Variants in ZKSCAN1 observed in about 807,000 individuals in gnomAD.
ZKSCAN1 encodes the protein zinc finger protein with KRAB and SCAN domains 1.
In ZKSCAN1, 14 loss-of-function variants were observed where a neutral mutation model predicts 51.6. That is an observed-to-expected ratio of 0.27 (90% CI 0.18 to 0.42). ZKSCAN1 has a LOEUF of 0.42. Ranked by LOEUF, ZKSCAN1 falls within the 10% of genes least tolerant of loss-of-function variation. The pLI is 1.00. For missense variants in ZKSCAN1, 531 were observed against 710.0 expected, an observed-to-expected ratio of 0.75 and a Z score of 2.86; for synonymous variants, 263 against 261.5, an observed-to-expected ratio of 1.01 and a Z score of -0.06.
At chr7:100,041,736 G>T (rs1791603281), downstream of ZKSCAN1, 1 of 985,018 alleles carries the variant, frequency 1.0e-6, no homozygotes, top group Admixed American at 6.2e-5. Context: ...CTCATCCTTG[G>T]TTGCATAAAT....
In ZKSCAN1 at chr7:100,039,575, A is replaced by G. The variant is rs937510187; in HGVS notation, c.*5378A>G. On this transcript the variant is annotated 3_prime_UTR_variant, in exon 6 of 6. Coordinates refer to ENST00000324306, the MANE Select transcript of ZKSCAN1 (RefSeq NM_003439.4). ...GTGAAAGAATCTTTTTTTAATTTTT[A>G]TCCTAGAGTCAGTCACTTTTATTCC... 1 of 985,220 alleles carries G rather than the reference A, an allele frequency of 1.0e-6. No homozygotes were observed. The highest frequency in any genetic ancestry group is 1.7e-5 in the African/African-American group (1 of 57,206). 61.0% of individuals were successfully genotyped at this position (985,220 alleles called of 1,614,324 possible). A position where few individuals can be genotyped will look rare whatever the true frequency, so the allele number is the denominator to read the frequency against.
chr7:100,033,119 C>T lies in ZKSCAN1; in HGVS notation c.800-186C>T, dbSNP rs183985873. Among the ~76,000 whole-genome samples the T allele has an allele frequency of 1.1e-3, 171 of 152,260 alleles. 1 individual carries two copies. Among genetic ancestry groups the T allele is most frequent in the African/African-American group, 4.1e-3 (169 of 41,564 alleles). ...CCTGGGAGGCGGAGGTTGCAGTGAA[C>T]TGAGATCACGTCACTGCACTCCAGC... On this transcript the variant is annotated intron_variant, in intron 5 of 5. Transcript: ENST00000324306. The surrounding 1 kb of genome is among the most constrained non-coding windows in gnomAD (Gnocchi z 4.1).
In ZKSCAN1 at chr7:100,029,637, G is replaced by C. The variant is rs79648701; in HGVS notation, c.581-224G>C. On this transcript the variant is annotated intron_variant, in intron 3 of 5. Transcript: ENST00000324306. ...TCCCCTTCTTTAAAATAAAAGGGTT[G>C]GACCAGGTGATTAGGACCCTTTTAT... 8.4e-3 allele frequency among the ~76,000 whole-genome samples: 1,284 copies of C among 152,248 alleles called. 6 individuals carry two copies. Among genetic ancestry groups the C allele is most frequent in the Middle Eastern group, 0.027 (8 of 294 alleles).
Position 100,039,680 on chromosome 7 carries a change from A to T in ZKSCAN1, c.*5483A>T. 1.0e-6 allele frequency: 1 copy of T among 985,430 alleles called. No individual in the cohort carries two copies. Among genetic ancestry groups the T allele is most frequent in the Middle Eastern group, 5.2e-4 (1 of 1,914 alleles). 61.0% of individuals were successfully genotyped at this position (985,430 alleles called of 1,614,324 possible). A position where few individuals can be genotyped will look rare whatever the true frequency, so the allele number is the denominator to read the frequency against. On this transcript the variant is annotated 3_prime_UTR_variant, in exon 6 of 6. Transcript: ENST00000324306. ...ATCCTCATGGAAGACTGTGTGTATG[A>T]ATTGGAGTAACAGAACTGAAATACA... is the stretch of plus-strand genomic sequence containing the variant.
intron 2 of ZKSCAN1, 106 bp from the exon 3 acceptor site, chr7:100,024,048 C>G (rs1790708000): frequency 6.6e-7 from 1 of 1,523,034 alleles, no homozygotes; most frequent in Non-Finnish European, 8.8e-7. Context: ...TAAAAATGTT[C>G]TGGCTTTCTT....
intron 1 of ZKSCAN1, among the ~76,000 whole-genome samples, chr7:100,022,694 C>A (rs1790640454): frequency 6.6e-6 from 1 of 152,182 alleles, no homozygotes; most frequent in Non-Finnish European, 1.5e-5. Context: ...TACTACTGAG[C>A]AAACCTAACC....
In ZKSCAN1 at chr7:100,037,808, T is replaced by A; in HGVS notation, c.*3611T>A. On this transcript the variant is annotated 3_prime_UTR_variant, in exon 6 of 6. Transcript: ENST00000324306. The stretch of plus-strand genomic sequence containing the variant: ...CGAGGCAGGCGGATCACGAGGTCAG[T>A]AGTTCGAGACCAGCCTGGCCAACAT... 1.2e-6 allele frequency: 1 copy of A among 827,564 alleles called. No homozygotes were observed. The highest frequency in any genetic ancestry group is 1.5e-6 in the Non-Finnish European group (1 of 686,618). The allele number at this position is 827,564 out of a possible 1,614,324, so 51.3% of individuals were successfully genotyped here.
Position 100,034,600 on chromosome 7 carries a change from A to G in ZKSCAN1, c.*403A>G. On this transcript the variant is annotated 3_prime_UTR_variant, in exon 6 of 6. Coordinates refer to ENST00000324306, the MANE Select transcript of ZKSCAN1 (RefSeq NM_003439.4). Reference sequence around the variant, plus strand: ...GGTTAGGATGCTACTTGCTGCAAACAAGCCCTACTTTGGCCAACATCCTGC... The same window carrying G: ...GGTTAGGATGCTACTTGCTGCAAACGAGCCCTACTTTGGCCAACATCCTGC... The G allele has an allele frequency of 1.0e-6, 1 of 992,646 alleles. No homozygotes were observed. Among genetic ancestry groups the G allele is most frequent in the Non-Finnish European group, 1.2e-6 (1 of 833,736 alleles). 61.5% of individuals were successfully genotyped at this position (992,646 alleles called of 1,614,324 possible). A position where few individuals can be genotyped will look rare whatever the true frequency, so the allele number is the denominator to read the frequency against.
In ZKSCAN1 at chr7:100,036,990, G is replaced by C; in HGVS notation, c.*2793G>C. ...TGACTTTGTTGGATAGCTGCCACTA[G>C]GGTTGCTTCGATCTTCAGCCACATG... On this transcript the variant is annotated 3_prime_UTR_variant, in exon 6 of 6. Coordinates refer to ENST00000324306, the MANE Select transcript of ZKSCAN1 (RefSeq NM_003439.4). 2.0e-6 allele frequency: 2 copies of C among 985,358 alleles called. No homozygotes were observed. Among genetic ancestry groups the C allele is most frequent in the Non-Finnish European group, 2.4e-6 (2 of 829,924 alleles). The allele number at this position is 985,358 out of a possible 1,614,324, so 61.0% of individuals were successfully genotyped here. A position where few individuals can be genotyped will look rare whatever the true frequency, so the allele number is the denominator to read the frequency against.
rs1791558774 is a variant in ZKSCAN1 at position 100,040,741 on chromosome 7, G to A, written c.*6544G>A. The A allele has an allele frequency of 5.1e-6, 5 of 985,356 alleles. No homozygotes were observed. The highest frequency in any genetic ancestry group is 3.5e-5 in the African/African-American group (2 of 57,252). The allele number at this position is 985,356 out of a possible 1,614,324, so 61.0% of individuals were successfully genotyped here. On this transcript the variant is annotated 3_prime_UTR_variant, in exon 6 of 6. Transcript: ENST00000324306. ...AGGAGGGGCCGAGGAAAGGCTGTTG[G>A]GGTGTGCTGGGGTTGGTACCCGAGC...
intron 1 of ZKSCAN1, among the ~76,000 whole-genome samples, chr7:100,021,738 C>CT (rs34068163): frequency 0.033 from 4,378 of 134,174 alleles, 60 homozygotes; most frequent in Non-Finnish European, 0.043. Flanking sequence ...CTATAAGAAT[C>CT]TTTTTTTTTT....
chr7:100,030,386 T>C lies in ZKSCAN1; in HGVS notation c.799+11T>C. On this transcript the variant is annotated intron_variant, in intron 5 of 5. Transcript: ENST00000324306. ...GCGCATTTCCCCAGGGTAAGACGGA[T>C]GCAGGCTTACTGTCTGATAAGATGG... 1 of 1,611,476 alleles carries C rather than the reference T, an allele frequency of 6.2e-7. No homozygotes were observed. Among genetic ancestry groups the C allele is most frequent in the Non-Finnish European group, 8.5e-7 (1 of 1,178,780 alleles).
At position 100,035,886 on chromosome 7, in the gene ZKSCAN1, G is replaced by A. The variant is rs1467642095; in HGVS notation, c.*1689G>A. On this transcript the variant is annotated 3_prime_UTR_variant, in exon 6 of 6. Coordinates refer to ENST00000324306, the MANE Select transcript of ZKSCAN1 (RefSeq NM_003439.4). ...TGTGTAAGTAGTCATCGCCACTCAA[G>A]TAGGACAAGGGTCCTACCCAAGGCT... 1.0e-6 allele frequency: 1 copy of A among 985,312 alleles called. No individual in the cohort carries two copies. Among genetic ancestry groups the A allele is most frequent in the Non-Finnish European group, 1.2e-6 (1 of 829,952 alleles). 61.0% of individuals were successfully genotyped at this position (985,312 alleles called of 1,614,324 possible). A position where few individuals can be genotyped will look rare whatever the true frequency, so the allele number is the denominator to read the frequency against.
chr7:100,030,210 G>A, intron 4 of ZKSCAN1, 39 bp from the exon 5 acceptor site: 1 of 1,604,338 alleles, frequency 6.2e-7, no homozygotes. Context: ...TTGTCCCTGA[G>A]TTTGGGGGGA....
At chr7:100,028,794 CAAAAA>C (rs56779174) in intron 3 of ZKSCAN1, among the ~76,000 whole-genome samples, 1 of 83,088 alleles carries the variant, frequency 1.2e-5, no homozygotes, top group African/African-American at 5.3e-5. Context: ...TACATCTTAT[CAAAAA>C]AAAAAAAAAA....
chr7:100,032,136 ACT>A (rs1212080832), intron 5 of ZKSCAN1, among the ~76,000 whole-genome samples: 1 of 152,154 alleles, frequency 6.6e-6, no homozygotes, highest in Non-Finnish European at 1.5e-5. Flanking sequence ...TTGATAGAAA[ACT>A]CACAGAATTG....
rs1194926422 is a variant in ZKSCAN1, at chr7:100,036,726, AAAAG to A, written c.*2541_*2544del. 1.0e-3 allele frequency: 1,015 copies of A among 984,398 alleles called. No homozygotes were observed. Among genetic ancestry groups the A allele is most frequent in the African/African-American group, 5.6e-3 (322 of 57,190 alleles). The allele number at this position is 984,398 out of a possible 1,614,324, so 61.0% of individuals were successfully genotyped here. A position where few individuals can be genotyped will look rare whatever the true frequency, so the allele number is the denominator to read the frequency against. ...GCAAAACTCCATCTCAAAAAAAAAA[AAAAG>A]AAAGAAAGAAACTGAAAAGTGAGGT... On this transcript the variant is annotated 3_prime_UTR_variant, in exon 6 of 6. Coordinates refer to ENST00000324306, the MANE Select transcript of ZKSCAN1 (RefSeq NM_003439.4).
intron 3 of ZKSCAN1, among the ~76,000 whole-genome samples, chr7:100,026,585 G>C (rs1180360690): frequency 2.0e-5 from 3 of 151,972 alleles, no homozygotes; most frequent in Non-Finnish European, 4.4e-5. Flanking sequence ...AATTAGCCAG[G>C]CGTGGTGGTG....
intron 1 of ZKSCAN1, chr7:100,019,248 C>G (rs1029406964): frequency 6.6e-6 from 1 of 152,166 alleles, no homozygotes; most frequent in African/African-American, 2.4e-5. Flanking sequence ...TCTCTGTCAC[C>G]CAGGCTGGAG....
Sources: gnomAD v4.1 joint callset for allele counts (sites outside exome capture counted in the v4.1 genomes callset) on GRCh38, gnomAD v4.1.1 for gene constraint, Gnocchi (gnomAD v3.1) non-coding constraint, MANE v1.5 for transcripts, NCBI Gene and HGNC (gene_info 2026-07-23, HGNC 2026-07-21) for gene names.